DAB1: variants seen among roughly 807,000 people sequenced by gnomAD.
DAB1 encodes the protein disabled homolog 1.
DAB1 carries 15 observed loss-of-function variants against 64.6 expected under a neutral mutation model. That is an observed-to-expected ratio of 0.23 (90% CI 0.16 to 0.36). DAB1 has a LOEUF of 0.36. Among genes scored for constraint, DAB1 ranks in the 10% least tolerant of loss-of-function variants. The probability of loss-of-function intolerance (pLI) is 1.00; values close to 1 mark genes in which losing one functional copy is unlikely to be tolerated. For synonymous variants in DAB1, 235 were observed against 251.9 expected (o/e 0.93, Z 0.64); for missense variants, 596 against 706.7 (o/e 0.84, Z 1.78).
chr1:57,842,797 A>C (rs1653114573), intron 1 of DAB1, among the ~76,000 whole-genome samples: 1 of 152,210 alleles, frequency 6.6e-6, no homozygotes, highest in Non-Finnish European at 1.5e-5. Context: ...GAGGATTACA[A>C]TTCTAGATGA....
chr1:57,057,434 T>A (rs1236779924), intron 9 of DAB1, among the ~76,000 whole-genome samples: 3 of 152,102 alleles, frequency 2.0e-5, no homozygotes, highest in Non-Finnish European at 4.4e-5. Flanking sequence ...CATCTCTAAT[T>A]GCATATTATC....
At chr1:57,500,724 A>T (rs1362835318) in intron 7 of DAB1, among the ~76,000 whole-genome samples, 1 of 152,152 alleles carries the variant, frequency 6.6e-6, no homozygotes, top group African/African-American at 2.4e-5. Context: ...TTTGCCACTG[A>T]GCTGCTTTAT....
intron 6 of DAB1, among the ~76,000 whole-genome samples, chr1:57,790,261 C>A (rs1650531911): frequency 6.6e-6 from 1 of 152,146 alleles, no homozygotes; most frequent in Non-Finnish European, 1.5e-5. Flanking sequence ...ATGCTGTTCT[C>A]ATGATAGCGA....
intron 9 of DAB1, among the ~76,000 whole-genome samples, chr1:57,058,391 T>C (rs1271965283): frequency 1.3e-5 from 2 of 152,222 alleles, no homozygotes; most frequent in South Asian, 2.1e-4. Context: ...TTTGAGTCTA[T>C]AGGCATTCAT....
At chr1:57,064,068 A>C (rs1460815816) in intron 8 of DAB1, among the ~76,000 whole-genome samples, 4 of 152,236 alleles carry the variant, frequency 2.6e-5, no homozygotes, top group Non-Finnish European at 4.4e-5. Context: ...GACATATGGT[A>C]AACGTATGAT....
chr1:57,011,045 C>A (rs1365241493), intron 13 of DAB1, 100 bp downstream of exon 13: 1 of 1,467,238 alleles, frequency 6.8e-7, no homozygotes, highest in Non-Finnish European at 9.3e-7. Context: ...ATTGAGCCAG[C>A]ATTCTTTTCT....
chr1:57,943,574 C>T (rs144420892), intron 5 of DAB1, among the ~76,000 whole-genome samples: 33 of 152,236 alleles, frequency 2.2e-4, no homozygotes, highest in African/African-American at 7.2e-4. Flanking sequence ...TATATGAGTA[C>T]AGCCTATAGG....
At chr1:57,173,618 C>T (rs986858892) in intron 2 of DAB1, among the ~76,000 whole-genome samples, 7 of 152,198 alleles carry the variant, frequency 4.6e-5, no homozygotes, top group Non-Finnish European at 1.0e-4. Context: ...ACAGCTAGCA[C>T]TAGAGAGCTT....
At chr1:57,242,022 T>C (rs926210910) in intron 2 of DAB1, among the ~76,000 whole-genome samples, 1 of 152,148 alleles carries the variant, frequency 6.6e-6, no homozygotes, top group Non-Finnish European at 1.5e-5. Context: ...GAACATCTCA[T>C]AGAAGAGTCT....
chr1:57,106,474 C>G (rs1431404068), intron 4 of DAB1, among the ~76,000 whole-genome samples: 1 of 152,090 alleles, frequency 6.6e-6, no homozygotes, highest in Non-Finnish European at 1.5e-5. Flanking sequence ...CAAGCATAAC[C>G]CATCTTTGAT....
intron 3 of DAB1, among the ~76,000 whole-genome samples, chr1:58,408,323 C>T (rs1468272985): frequency 1.3e-5 from 2 of 152,236 alleles, no homozygotes; most frequent in Non-Finnish European, 2.9e-5. Context: ...GTTGATACTT[C>T]CTCACACAGG....
intron 5 of DAB1, among the ~76,000 whole-genome samples, chr1:58,096,427 T>C (rs1328858053): frequency 1.3e-5 from 2 of 152,226 alleles, no homozygotes; most frequent in East Asian, 1.9e-4. Flanking sequence ...ATTCAATGCA[T>C]ATGCTTTGTG....
At chr1:58,276,595 G>A (rs999674210) in intron 4 of DAB1, among the ~76,000 whole-genome samples, 2 of 152,172 alleles carry the variant, frequency 1.3e-5, no homozygotes, top group Admixed American at 6.5e-5. Flanking sequence ...AGACAAGGTT[G>A]GCTGATGAGG....
intron 2 of DAB1, among the ~76,000 whole-genome samples, chr1:57,209,253 C>A (rs1665822770): frequency 6.6e-6 from 1 of 152,200 alleles, no homozygotes. Context: ...GGTTTTTATT[C>A]ATTCTAACAG....
chr1:57,683,944 A>C (rs1467186736), intron 6 of DAB1, among the ~76,000 whole-genome samples: 1 of 152,236 alleles, frequency 6.6e-6, no homozygotes, highest in Non-Finnish European at 1.5e-5. Context: ...GGAACTGGAA[A>C]ATTAACTTCA....
chr1:57,563,360 G>A (rs1047620782), intron 7 of DAB1, among the ~76,000 whole-genome samples: 3 of 152,210 alleles, frequency 2.0e-5, no homozygotes, highest in Non-Finnish European at 2.9e-5. Context: ...CTCCCAGCAT[G>A]AGCGACGCAG....
chr1:58,435,852 T>A (rs1644938504), intron 3 of DAB1, among the ~76,000 whole-genome samples: 1 of 152,340 alleles, frequency 6.6e-6, no homozygotes, highest in East Asian at 1.9e-4. Flanking sequence ...GTCTGAGTTA[T>A]TGAACAAATA....
intron 1 of DAB1, among the ~76,000 whole-genome samples, chr1:57,838,920 G>C (rs905271900): frequency 1.3e-5 from 2 of 151,952 alleles, no homozygotes; most frequent in Non-Finnish European, 2.9e-5. Context: ...GGGACTATAG[G>C]AGCATGCTAA....
At chr1:57,517,063 A>G (rs961018348) in intron 7 of DAB1, among the ~76,000 whole-genome samples, 1 of 152,238 alleles carries the variant, frequency 6.6e-6, no homozygotes, top group Non-Finnish European at 1.5e-5. Context: ...CTAGCCAGTT[A>G]AAGTTAAGCT....
Sources: allele counts gnomAD v4.1 joint callset (sites outside exome capture counted in the v4.1 genomes callset), GRCh38; gene constraint gnomAD v4.1.1; transcripts MANE v1.5; gene names NCBI Gene and HGNC (gene_info 2026-07-23, HGNC 2026-07-21).